The following CAMKMT variants were observed in gnomAD, a reference collection of about 807,000 sequenced individuals.
CAMKMT encodes calmodulin-lysine N-methyltransferase.
CAMKMT carries 53 observed loss-of-function variants against 48.0 expected under a neutral mutation model. The ratio of observed to expected loss-of-function variants is 1.10; its 90% CI spans 0.89 to 1.39. The LOEUF (loss-of-function observed/expected upper bound fraction) is 1.39. Among genes scored for constraint, CAMKMT ranks in the 40% most tolerant of loss-of-function variants. The pLI, the probability that CAMKMT is intolerant of heterozygous loss-of-function variation, is 0.00. For missense variants in CAMKMT, 428 were observed against 402.7 expected, an observed-to-expected ratio of 1.06 and a Z score of -0.54; for synonymous variants, 165 against 152.3, an observed-to-expected ratio of 1.08 and a Z score of -0.61.
Position 44,657,849 on chromosome 2 carries a change from T to C in CAMKMT, c.377-46434T>C, listed in dbSNP as rs764017301. On this transcript the variant is annotated intron_variant, in intron 3 of 10. Transcript: ENST00000378494. This position sits in a 1 kb window ranked among gnomAD's most constrained non-coding sequence, Gnocchi z 4.3. ...ACCCCTTTAGAGCTGGAGTCCAAAA[T>C]AGTATGGCATACTTAACGTTTATCT... 6.6e-5 allele frequency among the ~76,000 whole-genome samples: 10 copies of C among 152,176 alleles called. No individual in the cohort carries two copies. Among genetic ancestry groups the C allele is most frequent in the African/African-American group, 1.2e-4 (5 of 41,436 alleles).
At chr2:44,672,061 A>T (rs1236901400) in intron 3 of CAMKMT, among the ~76,000 whole-genome samples, 1 of 152,094 alleles carries the variant, frequency 6.6e-6, no homozygotes, top group Non-Finnish European at 1.5e-5. Flanking sequence ...GGATGATGAA[A>T]ACTCAATACC....
chr2:44,766,001 G>A, intron 9 of CAMKMT, among the ~76,000 whole-genome samples: 1 of 152,206 alleles, frequency 6.6e-6, no homozygotes, highest in East Asian at 1.9e-4. Flanking sequence ...ACTAACAGAT[G>A]TAAGCATCTG....
At chr2:44,365,149 T>A (rs1678456064) in intron 1 of CAMKMT, among the ~76,000 whole-genome samples, 1 of 152,238 alleles carries the variant, frequency 6.6e-6, no homozygotes, top group Non-Finnish European at 1.5e-5. Context: ...TAAGCAGTGC[T>A]AGAGATATGT....
chr2:44,548,828 G>A (rs1296192136), intron 3 of CAMKMT, among the ~76,000 whole-genome samples: 2 of 152,106 alleles, frequency 1.3e-5, no homozygotes, highest in Admixed American at 1.3e-4. Context: ...GGAAGAATGA[G>A]GTTGGAAGCA....
At chr2:44,462,463 A>G (rs982950049) in intron 3 of CAMKMT, among the ~76,000 whole-genome samples, 3 of 152,146 alleles carry the variant, frequency 2.0e-5, no homozygotes, top group Non-Finnish European at 4.4e-5. Flanking sequence ...GAACATTATT[A>G]TAGTTTTTAA....
chr2:44,771,981 G>A, intron 10 of CAMKMT, 55 bp from the exon 11 acceptor site: 2 of 1,194,002 alleles, frequency 1.7e-6, no homozygotes, highest in African/African-American at 1.5e-5. Flanking sequence ...ATATTGACTG[G>A]TAAAGATCCC....
chr2:44,493,451 A>T (rs1669610426), intron 3 of CAMKMT, among the ~76,000 whole-genome samples: 1 of 152,142 alleles, frequency 6.6e-6, no homozygotes, highest in African/African-American at 2.4e-5. Context: ...TCAAGTCTAA[A>T]CAACCCCAGA....
chr2:44,424,871 C>A (rs1175550942), intron 3 of CAMKMT, among the ~76,000 whole-genome samples: 1 of 152,104 alleles, frequency 6.6e-6, no homozygotes, highest in Non-Finnish European at 1.5e-5. Flanking sequence ...AAAGAACTTA[C>A]TCATGTAACC....
At chr2:44,394,750 C>T in intron 3 of CAMKMT, 2 of 405,248 alleles carry the variant, frequency 4.9e-6, no homozygotes, top group Non-Finnish European at 9.9e-6. Flanking sequence ...TTAATGCACA[C>T]AGCTATAGAC....
At chr2:44,461,998 C>T (rs775023204) in intron 3 of CAMKMT, among the ~76,000 whole-genome samples, 4 of 152,190 alleles carry the variant, frequency 2.6e-5, no homozygotes, top group Non-Finnish European at 5.9e-5. Flanking sequence ...TGTCAAGTAG[C>T]AAATGCTTAC....
chr2:44,591,397 T>C (rs1011721336), intron 3 of CAMKMT, among the ~76,000 whole-genome samples: 1 of 152,122 alleles, frequency 6.6e-6, no homozygotes, highest in African/African-American at 2.4e-5. Context: ...CATGGAATGT[T>C]CTTCCATTTG....
At chr2:44,569,972 T>C (rs1200409549) in intron 3 of CAMKMT, among the ~76,000 whole-genome samples, 2 of 152,182 alleles carry the variant, frequency 1.3e-5, no homozygotes, top group Admixed American at 1.3e-4. Context: ...GATTATTCCT[T>C]TATCGGATAT....
intron 3 of CAMKMT, chr2:44,457,069 A>G (rs1195859186): frequency 6.6e-6 from 1 of 152,606 alleles, no homozygotes; most frequent in Non-Finnish European, 1.5e-5. Context: ...AATATGTACT[A>G]TGCTCATATG....
intron 3 of CAMKMT, among the ~76,000 whole-genome samples, chr2:44,545,870 A>G (rs1313508424): frequency 6.6e-6 from 1 of 152,050 alleles, no homozygotes; most frequent in Non-Finnish European, 1.5e-5. Context: ...AGTATCTTCA[A>G]AAGGAGGGAT....
At chr2:44,498,633 G>A (rs2104734400) in intron 3 of CAMKMT, among the ~76,000 whole-genome samples, 1 of 152,224 alleles carries the variant, frequency 6.6e-6, no homozygotes. Context: ...CTGCTACCTT[G>A]GGCAATACTG....
chr2:44,702,910 C>A (rs1372455545), intron 3 of CAMKMT, among the ~76,000 whole-genome samples: 1 of 152,142 alleles, frequency 6.6e-6, no homozygotes, highest in African/African-American at 2.4e-5. Flanking sequence ...GTTTGGATTT[C>A]TTAGTCCTCA....
intron 3 of CAMKMT, among the ~76,000 whole-genome samples, chr2:44,434,386 G>A (rs1409336282): frequency 6.6e-6 from 1 of 152,144 alleles, no homozygotes; most frequent in Non-Finnish European, 1.5e-5. Context: ...TTGCTCTTCT[G>A]TAGGAATTTG....
intron 1 of CAMKMT, among the ~76,000 whole-genome samples, chr2:44,363,815 C>T (rs568405702): frequency 1.3e-5 from 2 of 151,420 alleles, no homozygotes; most frequent in African/African-American, 4.9e-5. Context: ...CTCAGCCTTC[C>T]GAATAGCTGG....
chr2:44,733,701 G>A (rs1195712189), intron 7 of CAMKMT, among the ~76,000 whole-genome samples: 1 of 151,956 alleles, frequency 6.6e-6, no homozygotes, highest in African/African-American at 2.4e-5. Flanking sequence ...ATGATCATAT[G>A]TTTTTTCTTT....
Sources: allele counts gnomAD v4.1 joint callset (sites outside exome capture counted in the v4.1 genomes callset), GRCh38; gene constraint gnomAD v4.1.1; non-coding constraint Gnocchi (gnomAD v3.1); transcripts MANE v1.5; gene names NCBI Gene and HGNC (gene_info 2026-07-23, HGNC 2026-07-21).